OBI1: variants seen among roughly 807,000 people sequenced by gnomAD.
OBI1 encodes the protein ring finger protein 219.
OBI1 carries 59 observed loss-of-function variants against 62.4 expected under a neutral mutation model. The ratio of observed to expected loss-of-function variants is 0.95; its 90% CI spans 0.77 to 1.17. The LOEUF is 1.17. OBI1 is among the 50% of genes most tolerant of loss of function. The pLI is 0.00. For missense variants in OBI1, 875 were observed against 830.9 expected, an observed-to-expected ratio of 1.05 and a Z score of -0.65; for synonymous variants, 302 against 292.8, an observed-to-expected ratio of 1.03 and a Z score of -0.32.
At chr13:78,633,845 A>G (rs1367148357) in intron 5 of OBI1, among the ~76,000 whole-genome samples, 1 of 152,080 alleles carries the variant, frequency 6.6e-6, no homozygotes, top group Non-Finnish European at 1.5e-5. Flanking sequence ...AGGCGGGTGG[A>G]TCACGAGGTC....
chr13:78,647,494 C>T (rs553712079), intron 1 of OBI1, among the ~76,000 whole-genome samples: 8 of 152,354 alleles, frequency 5.3e-5, no homozygotes, highest in Non-Finnish European at 1.2e-4. Context: ...CAGTACCTTC[C>T]CTTGAACTTA....
In OBI1 at chr13:78,615,490, T is replaced by C. The variant is rs562117237; in HGVS notation, c.*90A>G. ...TGACTAAAGATTATCAATTCCAATT[T>C]GTATAGAACTTTTATGAGGAAAAAA... On this transcript the variant is annotated 3_prime_UTR_variant, in exon 6 of 6. Transcript: ENST00000282003. 517 of 920,848 alleles carry C rather than the reference T, an allele frequency of 5.6e-4. 3 individuals are homozygous for C. The highest frequency in any genetic ancestry group is 7.3e-4 in the Non-Finnish European group (444 of 605,358). The allele number at this position is 920,848 out of a possible 1,614,324, so 57.0% of individuals were successfully genotyped here.
intron 3 of OBI1, 46 bp downstream of exon 3, chr13:78,642,076 C>A: frequency 8.5e-7 from 1 of 1,180,594 alleles, no homozygotes; most frequent in Non-Finnish European, 1.3e-6. Flanking sequence ...CAGTTTTTAC[C>A]TTGAATTCAC....
At chr13:78,651,687 T>C in intron 1 of OBI1, among the ~76,000 whole-genome samples, 1 of 152,182 alleles carries the variant, frequency 6.6e-6, no homozygotes, top group East Asian at 1.9e-4. Context: ...TTCATTAATC[T>C]TTTTCAGAAT....
intron 3 of OBI1, among the ~76,000 whole-genome samples, chr13:78,641,912 A>G (rs1876227779): frequency 6.6e-6 from 1 of 151,898 alleles, no homozygotes; most frequent in African/African-American, 2.4e-5. Context: ...CTTGGTACTT[A>G]AAGAAAAAAA....
chr13:78,616,252 T>C lies in OBI1; in HGVS notation c.1509A>G (p.Ser503=), dbSNP rs1365504025. 13 of 1,613,710 alleles carry C rather than the reference T, an allele frequency of 8.1e-6. No individual in the cohort carries two copies. Among genetic ancestry groups the C allele is most frequent in the Non-Finnish European group, 1.1e-5 (13 of 1,179,712 alleles). Residue 503 remains serine, a synonymous_variant, in exon 6 of 6, where the codon TCA becomes TCG. Coordinates refer to ENST00000282003, the MANE Select transcript of OBI1 (RefSeq NM_024546.4). ...TCAACCTTTTGGATAAACATAAGCC[T>C]GATTTCTCACTCAATTTTGAAGATA... is the stretch of plus-strand genomic sequence containing the variant. ...GEISSKLSEK[S]GLCLSKRLNS...
intron 1 of OBI1, among the ~76,000 whole-genome samples, chr13:78,649,154 G>A (rs1370791671): frequency 6.6e-6 from 1 of 152,146 alleles, no homozygotes; most frequent in African/African-American, 2.4e-5. Context: ...AACAAGGCAG[G>A]TTTTGAGTCA....
chr13:78,617,235 G>T, intron 5 of OBI1, 113 bp from the exon 6 acceptor site: 1 of 787,024 alleles, frequency 1.3e-6, no homozygotes. Flanking sequence ...TGACATTTCA[G>T]ACCACTCAAT....
intron 5 of OBI1, among the ~76,000 whole-genome samples, chr13:78,634,094 CAAAA>C (rs773650945): frequency 3.5e-5 from 3 of 86,386 alleles, no homozygotes; most frequent in South Asian, 4.9e-4. Flanking sequence ...AAACAAAAAA[CAAAA>C]AAAAAAAACA....
intron 5 of OBI1, among the ~76,000 whole-genome samples, chr13:78,629,494 G>A (rs1397985542): frequency 6.6e-6 from 1 of 151,996 alleles, no homozygotes; most frequent in Non-Finnish European, 1.5e-5. Context: ...AAAAAAAGTG[G>A]CACAACTGAA....
intron 4 of OBI1, among the ~76,000 whole-genome samples, chr13:78,637,182 A>G (rs1217440991): frequency 6.6e-6 from 1 of 152,198 alleles, no homozygotes; most frequent in African/African-American, 2.4e-5. Flanking sequence ...CATTCATGCT[A>G]AGTAATCCTT....
In OBI1 at chr13:78,616,710, C is replaced by G; in HGVS notation, c.1051G>C (p.Val351Leu). ...NKDLYQEQVE[V>L]MLDVTDTSMD... ...CTTGTATCTGTCACATCTAACATTA[C>G]TTCTACCTGTTCTTGATATAGGTCT... The change falls in exon 6 of 6, where the codon GTA (valine) becomes CTA (leucine). Residue 351 changes from valine (V) to leucine (L), a missense_variant. Transcript: ENST00000282003. 1 of 1,614,222 alleles carries G rather than the reference C, an allele frequency of 6.2e-7. No individual in the cohort carries two copies.
intron 5 of OBI1, among the ~76,000 whole-genome samples, chr13:78,628,616 G>A (rs1875753894): frequency 6.6e-6 from 1 of 152,224 alleles, no homozygotes; most frequent in Admixed American, 6.5e-5. Context: ...ATGCAGACTA[G>A]CCAGTGAAGA....
chr13:78,617,637 G>C (rs192032108), intron 5 of OBI1, among the ~76,000 whole-genome samples: 2 of 152,254 alleles, frequency 1.3e-5, no homozygotes, highest in Admixed American at 6.5e-5. Context: ...CAGGAGGGGT[G>C]GTTTTAAATA....
chr13:78,638,959 T>C lies in OBI1; in HGVS notation c.413A>G (p.Gln138Arg). 3 of 1,614,054 alleles carry C rather than the reference T, an allele frequency of 1.9e-6. No homozygotes were observed. The highest frequency in any genetic ancestry group is 2.5e-6 in the Non-Finnish European group (3 of 1,179,970). ...TGTGACTAGATGTTTGTCTTCATTTTGGTTGCCCTGCACCAAGGTTAAAGG... is the reference window on the plus strand; with the variant it reads ...TGTGACTAGATGTTTGTCTTCATTTCGGTTGCCCTGCACCAAGGTTAAAGG... ...LDPLTLVQGN[Q>R]NEDKHLVTDN... The change falls in exon 4 of 6, where the codon CAA (glutamine) becomes CGA (arginine). Residue 138 changes from glutamine to arginine, a missense_variant. By Grantham distance (43) the Gln-to-Arg change is conservative. Coordinates refer to ENST00000282003, the MANE Select transcript of OBI1 (RefSeq NM_024546.4).
At chr13:78,638,492 A>G (rs111838450) in intron 4 of OBI1, among the ~76,000 whole-genome samples, 3 of 152,328 alleles carry the variant, frequency 2.0e-5, no homozygotes, top group East Asian at 1.9e-4. Flanking sequence ...TCGCTGATAT[A>G]AGCTTAAAAA....
At chr13:78,649,486 T>C (rs1876484257) in intron 1 of OBI1, among the ~76,000 whole-genome samples, 1 of 152,214 alleles carries the variant, frequency 6.6e-6, no homozygotes, top group Non-Finnish European at 1.5e-5. Context: ...CGACAAGCAC[T>C]GTTTCAGCGA....
At position 78,615,851 on chromosome 13, in the gene OBI1, T is replaced by C; in HGVS notation, c.1910A>G (p.Asn637Ser). 3 of 1,614,128 alleles carry C rather than the reference T, an allele frequency of 1.9e-6. No homozygotes were observed. The highest frequency in any genetic ancestry group is 2.5e-6 in the Non-Finnish European group (3 of 1,179,988). Residue 637 changes from asparagine (N) to serine (S), a missense_variant, in exon 6 of 6, where the codon AAT becomes AGT. Coordinates refer to ENST00000282003, the MANE Select transcript of OBI1 (RefSeq NM_024546.4). ...SLHSSSCPVTNEIKPPSCLFQ... is the reference protein window; with the variant it reads ...SLHSSSCPVTSEIKPPSCLFQ... ...CAAGCAGCTTGGGGGTTTGATTTCA[T>C]TAGTTACTGGACAAGAACTGGAATG...
intron 1 of OBI1, among the ~76,000 whole-genome samples, chr13:78,656,041 T>C (rs1278691952): frequency 2.6e-5 from 4 of 152,214 alleles, no homozygotes; most frequent in Non-Finnish European, 4.4e-5. Context: ...AATGCAAATC[T>C]TCATTTTGAA....
Sources: allele counts gnomAD v4.1 joint callset (sites outside exome capture counted in the v4.1 genomes callset), GRCh38; gene constraint gnomAD v4.1.1; transcripts MANE v1.5; gene names NCBI Gene and HGNC (gene_info 2026-07-23, HGNC 2026-07-21).